Variants in TRPS1 observed in about 807,000 individuals in gnomAD.
The protein encoded by TRPS1 is zinc finger transcription factor Trps1.
TRPS1 carries 6 observed loss-of-function variants against 101.2 expected under a neutral mutation model. The ratio of observed to expected loss-of-function variants is 0.06; its 90% confidence interval spans 0.03 to 0.12. The LOEUF is 0.12. TRPS1 is among the 10% of genes least tolerant of loss of function. The pLI, the probability that TRPS1 is intolerant of heterozygous loss-of-function variation, is 1.00. For missense variants in TRPS1, 1,363 were observed against 1,567.0 expected, an observed-to-expected ratio of 0.87 and a Z score of 2.20; for synonymous variants, 578 against 589.8, an observed-to-expected ratio of 0.98 and a Z score of 0.29.
intron 5 of TRPS1, among the ~76,000 whole-genome samples, chr8:115,456,240 A>T (rs1226170656): frequency 6.6e-6 from 1 of 152,158 alleles, no homozygotes; most frequent in Admixed American, 6.5e-5. Flanking sequence ...AAAATTAGGT[A>T]AATTACGCAA....
chr8:115,543,253 T>G (rs758706082), intron 5 of TRPS1, among the ~76,000 whole-genome samples: 5 of 152,188 alleles, frequency 3.3e-5, no homozygotes, highest in Non-Finnish European at 7.3e-5. Context: ...AGGACCTCAG[T>G]GTACCACATA....
intron 4 of TRPS1, among the ~76,000 whole-genome samples, chr8:115,594,442 A>G (rs1817743512): frequency 6.6e-6 from 1 of 151,662 alleles, no homozygotes; most frequent in Non-Finnish European, 1.5e-5. Flanking sequence ...AATATTTGGG[A>G]CATACTTTTA....
chr8:115,507,581 A>G (rs1343017103), intron 5 of TRPS1, among the ~76,000 whole-genome samples: 1 of 152,118 alleles, frequency 6.6e-6, no homozygotes, highest in African/African-American at 2.4e-5. Flanking sequence ...AGAGCACCAC[A>G]GACCCAAAGT....
At chr8:115,527,168 GA>G (rs1488191554) in intron 5 of TRPS1, among the ~76,000 whole-genome samples, 4 of 151,962 alleles carry the variant, frequency 2.6e-5, no homozygotes, top group Non-Finnish European at 5.9e-5. Context: ...TATAAACAAA[GA>G]CTTCAGCCCT....
At chr8:115,466,087 C>T (rs1411940820) in intron 5 of TRPS1, among the ~76,000 whole-genome samples, 2 of 152,006 alleles carry the variant, frequency 1.3e-5, no homozygotes, top group Admixed American at 6.6e-5. Context: ...TATATATTAT[C>T]GCCTCAATAT....
intron 1 of TRPS1, chr8:115,661,552 C>G (rs1378020438): frequency 6.6e-6 from 1 of 151,968 alleles, no homozygotes; most frequent in Non-Finnish European, 1.5e-5. Context: ...AAAAATTACA[C>G]AAATCAAAAA....
chr8:115,529,405 T>C (rs986775685), intron 5 of TRPS1, among the ~76,000 whole-genome samples: 21 of 152,244 alleles, frequency 1.4e-4, no homozygotes, highest in African/African-American at 4.8e-4. Context: ...TTACACGATA[T>C]ATATTTTCAT....
At chr8:115,546,522 T>C (rs963390927) in intron 5 of TRPS1, among the ~76,000 whole-genome samples, 1 of 150,538 alleles carries the variant, frequency 6.6e-6, no homozygotes, top group Non-Finnish European at 1.5e-5. Flanking sequence ...AGAAATAATA[T>C]ACATCCAATG....
At chr8:115,577,185 C>T (rs4876607) in intron 5 of TRPS1, among the ~76,000 whole-genome samples, 152,290 of 152,290 alleles carry the variant, frequency 1, 76,145 homozygotes, top group Non-Finnish European at 1. Flanking sequence ...TCTCAAAAGT[C>T]CCACTCTGAG....
chr8:115,465,700 A>G (rs1814300514), intron 5 of TRPS1, among the ~76,000 whole-genome samples: 1 of 152,132 alleles, frequency 6.6e-6, no homozygotes, highest in South Asian at 2.1e-4. Context: ...GTGCAAAAGT[A>G]TGATCTTTCA....
At chr8:115,543,438 AT>A (rs952513435) in intron 5 of TRPS1, among the ~76,000 whole-genome samples, 1 of 151,808 alleles carries the variant, frequency 6.6e-6, no homozygotes, top group Admixed American at 6.6e-5. Context: ...TTTTTTTTAA[AT>A]TTTTTTTGCC....
intron 1 of TRPS1, among the ~76,000 whole-genome samples, chr8:115,643,677 T>G (rs1818952790): frequency 6.6e-6 from 1 of 152,218 alleles, no homozygotes; most frequent in Non-Finnish European, 1.5e-5. Flanking sequence ...CTTCCAAACT[T>G]CTGCTAATGT....
Position 115,587,141 on chromosome 8 carries a change from G to A in TRPS1, c.2560C>T (p.Pro854Ser). The change falls in exon 5 of 7, where the codon CCT becomes TCT. Residue 854 changes from proline to serine, a missense_variant. Pro to Ser is a moderately conservative substitution (Grantham distance 74, BLOSUM62 -1). Coordinates refer to ENST00000395715, the MANE Select transcript of TRPS1 (RefSeq NM_014112.5). ...GTTTCCACAGCCAAGCCATAAATAG[G>A]TCGCGCCAGATGGGCGGCCTCCACA... ...PNVEAAHLARPIYGLAVETKG... is the reference protein window; with the variant it reads ...PNVEAAHLARSIYGLAVETKG... The A allele has an allele frequency of 3.1e-6, 5 of 1,614,146 alleles. No homozygotes were observed. The highest frequency in any genetic ancestry group is 4.2e-6 in the Non-Finnish European group (5 of 1,180,026).
At chr8:115,493,052 T>C (rs546629070) in intron 5 of TRPS1, among the ~76,000 whole-genome samples, 1 of 152,198 alleles carries the variant, frequency 6.6e-6, no homozygotes, top group South Asian at 2.1e-4. Context: ...AGGGGTAAGA[T>C]ACTTTTTTAA....
intron 1 of TRPS1, among the ~76,000 whole-genome samples, chr8:115,630,017 T>C (rs1006186129): frequency 5.9e-5 from 9 of 151,528 alleles, no homozygotes; most frequent in Non-Finnish European, 1.2e-4. Flanking sequence ...CCCCCAAAGA[T>C]TAAAACAAAA....
chr8:115,447,170 C>T (rs1316054122), intron 5 of TRPS1, among the ~76,000 whole-genome samples: 1 of 152,172 alleles, frequency 6.6e-6, no homozygotes, highest in Non-Finnish European at 1.5e-5. Flanking sequence ...TCCAGCTGTA[C>T]TATGGCCTTC....
intron 5 of TRPS1, among the ~76,000 whole-genome samples, chr8:115,459,341 A>G (rs1814107934): frequency 6.6e-6 from 1 of 151,882 alleles, no homozygotes; most frequent in African/African-American, 2.4e-5. Context: ...AATAATAATA[A>G]TAATAATGAT....
chr8:115,415,187 G>A (rs1812889442), intron 6 of TRPS1, 103 bp from the exon 7 acceptor site: 1 of 1,235,286 alleles, frequency 8.1e-7, no homozygotes, highest in Non-Finnish European at 1.1e-6. Flanking sequence ...GTTCAAAGCA[G>A]GGATAGGCTT....
intron 5 of TRPS1, among the ~76,000 whole-genome samples, chr8:115,569,973 AG>A (rs1354206920): frequency 6.6e-6 from 1 of 152,160 alleles, no homozygotes; most frequent in African/African-American, 2.4e-5. Context: ...TAGACTTTTT[AG>A]GTTTGAACTG....
Sources: gnomAD v4.1 joint callset for allele counts (sites outside exome capture counted in the v4.1 genomes callset) on GRCh38, gnomAD v4.1.1 for gene constraint, MANE v1.5 for transcripts, NCBI Gene and HGNC (gene_info 2026-07-23, HGNC 2026-07-21) for gene names.